The following PCDHA2 variants were observed in gnomAD, a reference collection of about 807,000 sequenced individuals.
PCDHA2 encodes protocadherin alpha 2, also known as protocadherin alpha-2.
PCDHA2 carries 58 observed loss-of-function variants against 66.0 expected under a neutral mutation model. The observed-to-expected ratio is 0.88, with a 90% confidence interval of 0.71 to 1.09. The LOEUF (loss-of-function observed/expected upper bound fraction) is 1.09, where lower values mean the gene tolerates loss of function less well. PCDHA2 is among the 50% of genes least tolerant of loss of function. The pLI, the probability that PCDHA2 is intolerant of heterozygous loss-of-function variation, is 0.00. For synonymous variants in PCDHA2, 634 were observed against 554.0 expected, an observed-to-expected ratio of 1.14 and a Z score of -2.03; for missense variants, 1,267 against 1,242.3, an observed-to-expected ratio of 1.02 and a Z score of -0.30.
At chr5:140,826,432 T>G (rs1245508163) in intron 1 of PCDHA2, among the ~76,000 whole-genome samples, 1 of 152,176 alleles carries the variant, frequency 6.6e-6, no homozygotes, top group African/African-American at 2.4e-5. Flanking sequence ...GAATTTCACA[T>G]GGAAGAAAAG....
intron 1 of PCDHA2, chr5:140,842,858 G>A (rs2150346522): frequency 1.3e-6 from 2 of 1,594,076 alleles, no homozygotes; most frequent in South Asian, 2.2e-5. Context: ...GGTGCACACG[G>A]AGAGCGGCAA....
chr5:140,850,829 T>C (rs1431549655), intron 1 of PCDHA2: 6 of 1,597,986 alleles, frequency 3.8e-6, no homozygotes, highest in Non-Finnish European at 4.3e-6. Context: ...GCCTTTCTCC[T>C]TGTGCTGGAT....
intron 1 of PCDHA2, chr5:140,803,202 C>T: frequency 6.2e-7 from 1 of 1,613,906 alleles, no homozygotes; most frequent in Non-Finnish European, 8.5e-7. Flanking sequence ...GCTGGTGTCG[C>T]TGGTGGAGAG....
At chr5:140,853,848 C>T (rs2042883759) in intron 1 of PCDHA2, 1 of 985,936 alleles carries the variant, frequency 1.0e-6, no homozygotes, top group Non-Finnish European at 1.2e-6. Context: ...AGATCCATAG[C>T]CCTATTTGAT....
chr5:140,829,457 G>C, intron 1 of PCDHA2: 4 of 1,613,878 alleles, frequency 2.5e-6, no homozygotes, highest in Non-Finnish European at 3.4e-6. Context: ...TCCGGCGTTC[G>C]CGCAGCCCGA....
intron 1 of PCDHA2, chr5:140,821,947 C>T: frequency 6.2e-7 from 1 of 1,614,184 alleles, no homozygotes; most frequent in Non-Finnish European, 8.5e-7. Context: ...GCTGGCGGAG[C>T]TGGTGCCGCG....
intron 1 of PCDHA2, chr5:140,821,574 GT>G: frequency 1.7e-6 from 1 of 585,200 alleles, no homozygotes; most frequent in East Asian, 3.0e-5. Flanking sequence ...ACACCGGAAG[GT>G]TTTTCTCCCT....
chr5:140,982,506 C>G lies in PCDHA2; in HGVS notation c.2479C>G (p.Arg827Gly). The change falls in exon 3 of 4, where the codon CGG (arginine) becomes GGG (glycine). Residue 827 changes from arginine to glycine, a missense_variant. Transcript: ENST00000526136. ...SVHLEEAGIL[R>G]AGPGGPDQQW... Reference sequence around the variant, plus strand: ...GCACCTAGAGGAGGCTGGCATTCTACGGGCTGGTCCAGGAGGGCCTGATCA... The same window carrying G: ...GCACCTAGAGGAGGCTGGCATTCTAGGGGCTGGTCCAGGAGGGCCTGATCA... 6.2e-7 allele frequency: 1 copy of G among 1,614,162 alleles called. No homozygotes were observed. Among genetic ancestry groups the G allele is most frequent in the Non-Finnish European group, 8.5e-7 (1 of 1,180,032 alleles).
At chr5:140,876,262 C>T (rs1554168436) in intron 1 of PCDHA2, 2 of 1,614,012 alleles carry the variant, frequency 1.2e-6, no homozygotes, top group South Asian at 2.2e-5. Context: ...AGTGATCCAA[C>T]TAAATGCTTC....
chr5:140,795,239 G>C lies in PCDHA2; in HGVS notation c.275G>C (p.Arg92Pro). 5.0e-6 allele frequency: 8 copies of C among 1,614,278 alleles called. No homozygotes were observed. The highest frequency in any genetic ancestry group is 3.3e-5 in the South Asian group (3 of 91,090). Reference protein sequence around the residue: ...GILFVNSRIDREELCGRSAEC... With the variant: ...GILFVNSRIDPEELCGRSAEC... The stretch of plus-strand genomic sequence containing the variant: ...TTGTTTGTGAATTCTCGGATCGACC[G>C]GGAGGAGCTGTGCGGGCGGAGCGCG... Residue 92 changes from arginine (R) to proline (P), a missense_variant, in exon 1 of 4, where the codon CGG (arginine) becomes CCG (proline). Transcript: ENST00000526136.
At chr5:141,001,122 TAAAC>T (rs1274933487) in intron 3 of PCDHA2, among the ~76,000 whole-genome samples, 1 of 152,154 alleles carries the variant, frequency 6.6e-6, no homozygotes, top group African/African-American at 2.4e-5. Flanking sequence ...CAATAGTCCT[TAAAC>T]AAATGAATCT....
intron 1 of PCDHA2, among the ~76,000 whole-genome samples, chr5:140,924,973 GCTCATGT>G (rs1447379119): frequency 2.0e-5 from 3 of 151,826 alleles, no homozygotes; most frequent in African/African-American, 7.2e-5. Flanking sequence ...GAGTGCAGTG[GCTCATGT>G]CTGTAATCCT....
rs2150128727 is a variant in PCDHA2 at position 140,823,745 on chromosome 5, C to T, written c.2388+26393C>T. 9 of 1,613,834 alleles carry T rather than the reference C, an allele frequency of 5.6e-6. No homozygotes were observed. The highest frequency in any genetic ancestry group is 5.5e-5 in the South Asian group (5 of 91,084). On this transcript the variant is annotated intron_variant, in intron 1 of 3. Coordinates refer to ENST00000526136, the MANE Select transcript of PCDHA2 (RefSeq NM_018905.3). ...CTGGTGAAGGACCATGGAGAGCCCCCGCTGACAGCCACAGCCACAGTGCTG... is the reference window on the plus strand; with the variant it reads ...CTGGTGAAGGACCATGGAGAGCCCCTGCTGACAGCCACAGCCACAGTGCTG...
chr5:140,831,604 C>G (rs1771639658), intron 1 of PCDHA2, among the ~76,000 whole-genome samples: 1 of 148,704 alleles, frequency 6.7e-6, no homozygotes. Context: ...TGCAAGTGAT[C>G]TGCCCACCTT....
intron 1 of PCDHA2, chr5:140,864,420 G>A (rs1430010861): frequency 5.3e-5 from 8 of 152,158 alleles, no homozygotes; most frequent in African/African-American, 1.4e-4. Flanking sequence ...AGGCAGCTTC[G>A]TCCACAAACA....
intron 1 of PCDHA2, chr5:140,857,942 A>G: frequency 6.3e-7 from 1 of 1,597,440 alleles, no homozygotes; most frequent in Non-Finnish European, 8.6e-7. Flanking sequence ...CGAGATCAGT[A>G]CGACGCGCGC....
chr5:140,960,188 G>A (rs1371016387), intron 1 of PCDHA2, among the ~76,000 whole-genome samples: 7 of 152,132 alleles, frequency 4.6e-5, no homozygotes, highest in Non-Finnish European at 7.4e-5. Flanking sequence ...GGTTGCATGT[G>A]TAGTGGTCAG....
intron 1 of PCDHA2, among the ~76,000 whole-genome samples, chr5:140,799,450 T>G (rs1282139670): frequency 6.6e-6 from 1 of 152,088 alleles, no homozygotes; most frequent in African/African-American, 2.4e-5. Flanking sequence ...AGCAAAGTGG[T>G]AACTGGAATA....
At chr5:140,836,630 A>G in intron 1 of PCDHA2, 3 of 1,613,502 alleles carry the variant, frequency 1.9e-6, no homozygotes, top group South Asian at 1.1e-5. Flanking sequence ...GGAGCTGGTC[A>G]TTCTCCCAGC....
Sources: gnomAD v4.1 joint callset for allele counts (sites outside exome capture counted in the v4.1 genomes callset) on GRCh38, gnomAD v4.1.1 for gene constraint, MANE v1.5 for transcripts, NCBI Gene and HGNC (gene_info 2026-07-23, HGNC 2026-07-21) for gene names.